Variants in KCNT2 observed in about 807,000 individuals in gnomAD.
KCNT2 encodes potassium sodium-activated channel subfamily T member 2.
KCNT2 carries 67 observed loss-of-function variants against 153.8 expected under a neutral mutation model. The ratio of observed to expected loss-of-function variants is 0.44; its 90% CI spans 0.36 to 0.53. The LOEUF is 0.53. Ranked by LOEUF, KCNT2 falls within the 20% of genes least tolerant of loss-of-function variation. The pLI, the probability that KCNT2 is intolerant of heterozygous loss-of-function variation, is 0.00. For missense variants in KCNT2, 975 were observed against 1,354.8 expected (o/e 0.72, Z 4.40); for synonymous variants, 500 against 458.8 (o/e 1.09, Z -1.15).
intron 5 of KCNT2, among the ~76,000 whole-genome samples, chr1:196,477,775 T>C (rs929159063): frequency 2.0e-5 from 3 of 152,204 alleles, no homozygotes; most frequent in Admixed American, 2.0e-4. Flanking sequence ...TGTTCTATTA[T>C]TCCTCCAAAA....
chr1:196,301,305 C>T (rs1437521949), intron 22 of KCNT2, among the ~76,000 whole-genome samples: 3 of 152,104 alleles, frequency 2.0e-5, no homozygotes, highest in Admixed American at 6.5e-5. Flanking sequence ...CCATGTGTAC[C>T]CCATTGCATG....
At chr1:196,481,463 C>T (rs900758852) in intron 4 of KCNT2, among the ~76,000 whole-genome samples, 5 of 152,132 alleles carry the variant, frequency 3.3e-5, no homozygotes, top group Admixed American at 6.5e-5. Context: ...ATGTATACAA[C>T]TTTATGAATA....
intron 2 of KCNT2, among the ~76,000 whole-genome samples, chr1:196,491,499 A>C (rs1415281736): frequency 6.6e-6 from 1 of 151,966 alleles, no homozygotes; most frequent in Non-Finnish European, 1.5e-5. Flanking sequence ...ACACCAACTA[A>C]TGCAGGCCTC....
At chr1:196,268,560 T>C (rs1657759954) in intron 25 of KCNT2, among the ~76,000 whole-genome samples, 1 of 152,140 alleles carries the variant, frequency 6.6e-6, no homozygotes, top group South Asian at 2.1e-4. Flanking sequence ...GAGTGAACTG[T>C]AACAGTGTCT....
At chr1:196,424,564 G>T (rs1673484691) in intron 11 of KCNT2, among the ~76,000 whole-genome samples, 1 of 151,794 alleles carries the variant, frequency 6.6e-6, no homozygotes, top group East Asian at 1.9e-4. Context: ...CATGTACAAT[G>T]ACCACAAATA....
intron 26 of KCNT2, 65 bp downstream of exon 26, chr1:196,258,129 A>C: frequency 6.5e-7 from 1 of 1,539,586 alleles, no homozygotes; most frequent in African/African-American, 1.4e-5. Flanking sequence ...ATTAGAACCA[A>C]CTATATTACT....
intron 20 of KCNT2, 43 bp from the exon 21 acceptor site, chr1:196,316,069 C>T: frequency 6.4e-7 from 1 of 1,573,868 alleles, no homozygotes; most frequent in Non-Finnish European, 8.7e-7. Flanking sequence ...TTAAATAAAT[C>T]ACAATGTTAT....
chr1:196,259,558 G>C (rs1656820355), intron 25 of KCNT2: 1 of 151,960 alleles, frequency 6.6e-6, no homozygotes, highest in African/African-American at 2.4e-5. Flanking sequence ...ATGTGTTGCT[G>C]GCTTTTAAAG....
At chr1:196,245,091 C>T (rs983518207) in intron 26 of KCNT2, among the ~76,000 whole-genome samples, 1 of 152,126 alleles carries the variant, frequency 6.6e-6, no homozygotes, top group Non-Finnish European at 1.5e-5. Flanking sequence ...TTATGCAATA[C>T]CAACAATGTA....
intron 1 of KCNT2, among the ~76,000 whole-genome samples, chr1:196,577,241 A>T (rs1375101980): frequency 1.3e-5 from 2 of 152,162 alleles, no homozygotes; most frequent in African/African-American, 4.8e-5. Context: ...CAAAAATGAC[A>T]ACATACGCAC....
intron 21 of KCNT2, among the ~76,000 whole-genome samples, chr1:196,312,991 G>A (rs1299845340): frequency 6.6e-6 from 1 of 151,598 alleles, no homozygotes; most frequent in African/African-American, 2.4e-5. Context: ...GAACCTAAAA[G>A]GAGAGAAAAC....
intron 25 of KCNT2, among the ~76,000 whole-genome samples, chr1:196,278,191 A>T (rs566097963): frequency 6.6e-6 from 1 of 152,316 alleles, no homozygotes; most frequent in East Asian, 1.9e-4. Context: ...ATTTACCAGG[A>T]AATTAAAAAT....
chr1:196,560,593 C>T (rs72732281), intron 1 of KCNT2, among the ~76,000 whole-genome samples: 3,089 of 151,962 alleles, frequency 0.02, 98 homozygotes, highest in Admixed American at 0.088. Context: ...AAAGGGGTAA[C>T]ATCCCTACCT....
chr1:196,327,414 A>C (rs1056398092), intron 18 of KCNT2, among the ~76,000 whole-genome samples: 1 of 152,024 alleles, frequency 6.6e-6, no homozygotes, highest in Non-Finnish European at 1.5e-5. Flanking sequence ...ACCCAATAAT[A>C]CCAACAAAAA....
chr1:196,384,634 C>T (rs1489798780), intron 13 of KCNT2, among the ~76,000 whole-genome samples: 1 of 142,478 alleles, frequency 7.0e-6, no homozygotes, highest in African/African-American at 2.6e-5. Context: ...ACCCAGGAGG[C>T]GAAGGTTGCA....
chr1:196,569,880 A>T (rs1474584470), intron 1 of KCNT2, among the ~76,000 whole-genome samples: 1 of 152,148 alleles, frequency 6.6e-6, no homozygotes. Context: ...TATTAAAAAT[A>T]AAGGCATGCT....
At chr1:196,526,283 CTTA>C (rs1156944450) in intron 1 of KCNT2, among the ~76,000 whole-genome samples, 1 of 150,876 alleles carries the variant, frequency 6.6e-6, no homozygotes, top group African/African-American at 2.4e-5. Flanking sequence ...AATTTCAATG[CTTA>C]TATTTTATAA....
chr1:196,283,993 G>C (rs1571902783), intron 23 of KCNT2, among the ~76,000 whole-genome samples: 1 of 151,192 alleles, frequency 6.6e-6, no homozygotes, highest in East Asian at 2.0e-4. Flanking sequence ...CACTTTGGGA[G>C]GCCAAGGTTG....
At chr1:196,495,795 C>T (rs1369139084) in intron 1 of KCNT2, among the ~76,000 whole-genome samples, 2 of 152,060 alleles carry the variant, frequency 1.3e-5, no homozygotes, top group Non-Finnish European at 2.9e-5. Context: ...ACCATAATAG[C>T]AATTTTATTT....
Sources: gnomAD v4.1 joint callset for allele counts (sites outside exome capture counted in the v4.1 genomes callset) on GRCh38, gnomAD v4.1.1 for gene constraint, MANE v1.5 for transcripts, NCBI Gene and HGNC (gene_info 2026-07-23, HGNC 2026-07-21) for gene names.